The following LRRC4C variants were observed in gnomAD, a reference collection of about 807,000 sequenced individuals.
LRRC4C encodes the protein leucine rich repeat containing 4C, also known as leucine-rich repeat-containing protein 4C.
Under a neutral mutation model 33.6 loss-of-function variants are expected in LRRC4C, and 5 were observed. The observed-to-expected ratio is 0.15, with a 90% CI of 0.08 to 0.31. The LOEUF (loss-of-function observed/expected upper bound fraction) is 0.31, where lower values mean the gene tolerates loss of function less well. Ranked by LOEUF, LRRC4C falls within the 10% of genes least tolerant of loss-of-function variation. LRRC4C has a pLI of 1.00. For missense variants in LRRC4C, 560 were observed against 796.7 expected, an observed-to-expected ratio of 0.70 and a Z score of 3.58; for synonymous variants, 329 against 302.0, an observed-to-expected ratio of 1.09 and a Z score of -0.93.
At chr11:40,283,075 G>A (rs1565226898) in intron 4 of LRRC4C, among the ~76,000 whole-genome samples, 1 of 152,224 alleles carries the variant, frequency 6.6e-6, no homozygotes, top group African/African-American at 2.4e-5. Context: ...ATGCACAACT[G>A]CAAGGACCAC....
intron 2 of LRRC4C, among the ~76,000 whole-genome samples, chr11:40,931,252 A>T (rs548890011): frequency 1.2e-3 from 189 of 152,194 alleles, no homozygotes; most frequent in Non-Finnish European, 2.0e-3. Flanking sequence ...CTCTGTTCAA[A>T]CTCCTAAAAC....
At chr11:40,162,986 T>C (rs1032772583) in intron 5 of LRRC4C, among the ~76,000 whole-genome samples, 3 of 152,206 alleles carry the variant, frequency 2.0e-5, no homozygotes, top group Admixed American at 2.0e-4. Flanking sequence ...TAACCACCTC[T>C]ACTACATATC....
chr11:40,365,405 C>T (rs1416810715), intron 3 of LRRC4C, among the ~76,000 whole-genome samples: 5 of 152,026 alleles, frequency 3.3e-5, no homozygotes, highest in African/African-American at 1.2e-4. Flanking sequence ...GAAGTTGCTT[C>T]TTCATTCTGT....
At chr11:40,537,239 C>T (rs1956513152) in intron 3 of LRRC4C, among the ~76,000 whole-genome samples, 1 of 152,122 alleles carries the variant, frequency 6.6e-6, no homozygotes, top group African/African-American at 2.4e-5. Flanking sequence ...TGTGATGATT[C>T]CATCCAGGGT....
chr11:40,409,829 T>C (rs1296170426), intron 3 of LRRC4C, among the ~76,000 whole-genome samples: 2 of 152,056 alleles, frequency 1.3e-5, no homozygotes, highest in African/African-American at 4.8e-5. Context: ...TGGAGGTTCC[T>C]CAAAGAATTG....
chr11:40,762,981 G>A (rs890645314), intron 2 of LRRC4C, among the ~76,000 whole-genome samples: 7 of 150,618 alleles, frequency 4.6e-5, no homozygotes, highest in African/African-American at 1.7e-4. Context: ...AGGGCAAAAG[G>A]GCTTGGCTCA....
At chr11:40,436,927 C>G (rs1951165280) in intron 3 of LRRC4C, among the ~76,000 whole-genome samples, 1 of 152,124 alleles carries the variant, frequency 6.6e-6, no homozygotes, top group South Asian at 2.1e-4. Flanking sequence ...AAAAATGGCT[C>G]AGACCTCTGA....
intron 2 of LRRC4C, among the ~76,000 whole-genome samples, chr11:40,841,261 G>A (rs1377033117): frequency 6.6e-6 from 1 of 152,168 alleles, no homozygotes; most frequent in Admixed American, 6.5e-5. Context: ...TCATGGTTCA[G>A]TTTATGTAGT....
intron 2 of LRRC4C, among the ~76,000 whole-genome samples, chr11:40,931,123 C>T (rs1271956082): frequency 6.6e-6 from 1 of 152,130 alleles, no homozygotes; most frequent in East Asian, 1.9e-4. Flanking sequence ...TCAAGTTGAT[C>T]TGCTGATCCA....
chr11:40,483,637 A>T lies in LRRC4C; in HGVS notation c.-269-163916T>A, dbSNP rs573398532. Among the ~76,000 whole-genome samples, 110 of 152,124 alleles carry T rather than the reference A, an allele frequency of 7.2e-4. 1 individual carries two copies. Among genetic ancestry groups the T allele is most frequent in the Non-Finnish European group, 1.3e-3 (87 of 68,026 alleles). On this transcript the variant is annotated intron_variant, in intron 3 of 6. Coordinates refer to ENST00000528697, the MANE Select transcript of LRRC4C (RefSeq NM_001258419.2). ...GAAGACAAAATTATCTAAAACAAAGAACAATTATAACCAAGGAAAGCACAT... is the reference window on the plus strand; with the variant it reads ...GAAGACAAAATTATCTAAAACAAAGTACAATTATAACCAAGGAAAGCACAT...
chr11:41,401,709 T>C (rs1954032717), intron 1 of LRRC4C, among the ~76,000 whole-genome samples: 1 of 151,918 alleles, frequency 6.6e-6, no homozygotes, highest in Non-Finnish European at 1.5e-5. Flanking sequence ...TTCTGGACCA[T>C]AGTTTATTCG....
chr11:40,353,572 G>A (rs1395198678), intron 3 of LRRC4C, among the ~76,000 whole-genome samples: 1 of 152,106 alleles, frequency 6.6e-6, no homozygotes, highest in East Asian at 1.9e-4. Flanking sequence ...AAATTAACCA[G>A]GCCTAGTGTC....
chr11:40,866,416 A>T (rs1475278270), intron 2 of LRRC4C, among the ~76,000 whole-genome samples: 1 of 152,188 alleles, frequency 6.6e-6, no homozygotes, highest in Non-Finnish European at 1.5e-5. Flanking sequence ...CATGAAAATC[A>T]CGTACATTTT....
At chr11:40,360,426 T>C (rs1490081481) in intron 3 of LRRC4C, among the ~76,000 whole-genome samples, 1 of 152,182 alleles carries the variant, frequency 6.6e-6, no homozygotes. Flanking sequence ...AACGGATCAA[T>C]AGAAAGTAGC....
chr11:40,989,913 A>G (rs1471722992), intron 1 of LRRC4C, among the ~76,000 whole-genome samples: 2 of 152,150 alleles, frequency 1.3e-5, no homozygotes. Flanking sequence ...ACAATACATT[A>G]TAACAACTCT....
intron 1 of LRRC4C, among the ~76,000 whole-genome samples, chr11:41,207,189 C>G (rs1426133904): frequency 6.6e-6 from 1 of 152,078 alleles, no homozygotes; most frequent in Admixed American, 6.6e-5. Flanking sequence ...TTCTGGTTGC[C>G]AATTTACAAT....
intron 2 of LRRC4C, among the ~76,000 whole-genome samples, chr11:40,815,626 T>G (rs1951677197): frequency 6.6e-6 from 1 of 152,146 alleles, no homozygotes; most frequent in South Asian, 2.1e-4. Context: ...TGCTGCCTCT[T>G]CCATGAGCTG....
chr11:40,583,605 C>T (rs1454572344), intron 3 of LRRC4C, among the ~76,000 whole-genome samples: 1 of 152,108 alleles, frequency 6.6e-6, no homozygotes, highest in East Asian at 1.9e-4. Flanking sequence ...TCAATATCAT[C>T]CTTTTTCCCA....
At chr11:40,782,069 T>A (rs1395416121) in intron 2 of LRRC4C, among the ~76,000 whole-genome samples, 1 of 152,188 alleles carries the variant, frequency 6.6e-6, no homozygotes, top group Non-Finnish European at 1.5e-5. Context: ...TGCATGCCTA[T>A]TTTTTCTTCT....
Sources: gnomAD v4.1 joint callset for allele counts (sites outside exome capture counted in the v4.1 genomes callset) on GRCh38, gnomAD v4.1.1 for gene constraint, MANE v1.5 for transcripts, NCBI Gene and HGNC (gene_info 2026-07-23, HGNC 2026-07-21) for gene names.